Variants in SLC38A4 observed in about 807,000 individuals in gnomAD.
SLC38A4 encodes solute carrier family 38 member 4, also known as sodium-coupled neutral amino acid transporter 4.
Under a neutral mutation model 63.1 loss-of-function variants are expected in SLC38A4, and 20 were observed. The ratio of observed to expected loss-of-function variants is 0.32; its 90% CI spans 0.22 to 0.46. The LOEUF is 0.46. Among genes scored for constraint, SLC38A4 ranks in the 20% least tolerant of loss-of-function variants. The pLI, the probability that SLC38A4 is intolerant of heterozygous loss-of-function variation, is 1.00. For missense variants in SLC38A4, 526 were observed against 663.6 expected (o/e 0.79, Z 2.28); for synonymous variants, 230 against 225.5 (o/e 1.02, Z -0.18).
rs369456004 is a variant in SLC38A4 at position 46,793,242 on chromosome 12, T to C, written c.-112-59A>G. 1.8e-5 allele frequency: 8 copies of C among 444,480 alleles called. No individual in the cohort carries two copies. In the East Asian group the frequency reaches 2.6e-4, roughly 14 times the overall value. The allele number at this position is 444,480 out of a possible 1,614,324, so 27.5% of individuals were successfully genotyped here. A position where few individuals can be genotyped will look rare whatever the true frequency, so the allele number is the denominator to read the frequency against. ...TTTATTTAAATGAAATAAGTGAATATGAATCATCTACATTTTGTATGCTCT... is the reference window on the plus strand; with the variant it reads ...TTTATTTAAATGAAATAAGTGAATACGAATCATCTACATTTTGTATGCTCT... On this transcript the variant is annotated intron_variant, in intron 2 of 16. Coordinates refer to ENST00000266579, the MANE Select transcript of SLC38A4 (RefSeq NM_018018.5).
At chr12:46,825,064 A>G (rs553635294) in intron 1 of SLC38A4, among the ~76,000 whole-genome samples, 2 of 151,058 alleles carry the variant, frequency 1.3e-5, no homozygotes, top group African/African-American at 4.9e-5. Context: ...TCCTGGGTTT[A>G]ATATTGTACT....
chr12:46,809,271 C>T (rs1416894191), intron 1 of SLC38A4, among the ~76,000 whole-genome samples: 1 of 151,994 alleles, frequency 6.6e-6, no homozygotes. Context: ...TATGTTCAGG[C>T]TGGCCTTTTT....
intron 1 of SLC38A4, among the ~76,000 whole-genome samples, chr12:46,809,307 TAAG>T (rs1271737404): frequency 6.6e-6 from 1 of 152,046 alleles, no homozygotes; most frequent in Non-Finnish European, 1.5e-5. Flanking sequence ...ATGTTAGAAA[TAAG>T]AAATGCATGT....
At chr12:46,775,647 A>T (rs1938509320) in intron 13 of SLC38A4, among the ~76,000 whole-genome samples, 2 of 151,846 alleles carry the variant, frequency 1.3e-5, no homozygotes, top group African/African-American at 2.4e-5. Context: ...AACAACTATG[A>T]CTCCATCACC....
At chr12:46,815,213 C>A (rs1939413828) in intron 1 of SLC38A4, among the ~76,000 whole-genome samples, 1 of 139,726 alleles carries the variant, frequency 7.2e-6, no homozygotes, top group Admixed American at 7.5e-5. Flanking sequence ...GGCAAAATGA[C>A]TTTTCAAGGA....
At chr12:46,777,350 A>T (rs1938550247) in intron 12 of SLC38A4, among the ~76,000 whole-genome samples, 1 of 151,956 alleles carries the variant, frequency 6.6e-6, no homozygotes, top group African/African-American at 2.4e-5. Context: ...TAATGAGATG[A>T]CTTTAGATGA....
At chr12:46,820,848 T>C (rs1216631694) in intron 1 of SLC38A4, among the ~76,000 whole-genome samples, 3 of 152,122 alleles carry the variant, frequency 2.0e-5, no homozygotes, top group Non-Finnish European at 4.4e-5. Flanking sequence ...TGTTATCTTT[T>C]GTGTTTTTGA....
In SLC38A4 at chr12:46,779,681, A is replaced by T; in HGVS notation, c.659-12T>A. Reference sequence around the variant, plus strand: ...ATAGCCAAGATAACCTAGAAGTTAGAAGAAGCATTTTGGAAGGTGAATATG... The same window carrying T: ...ATAGCCAAGATAACCTAGAAGTTAGTAGAAGCATTTTGGAAGGTGAATATG... On this transcript the variant is annotated splice_polypyrimidine_tract_variant and intron_variant, in intron 9 of 16. Transcript: ENST00000266579. The T allele has an allele frequency of 6.2e-7, 1 of 1,602,348 alleles. No homozygotes were observed. The highest frequency in any genetic ancestry group is 8.5e-7 in the Non-Finnish European group (1 of 1,176,338).
upstream of SLC38A4, among the ~76,000 whole-genome samples, chr12:46,828,739 C>G (rs1159591732): frequency 6.6e-6 from 1 of 152,220 alleles, no homozygotes; most frequent in Non-Finnish European, 1.5e-5. Context: ...TTGCCCAGCA[C>G]TGTGCTAGGT....
intron 2 of SLC38A4, among the ~76,000 whole-genome samples, chr12:46,795,201 T>C (rs1938977948): frequency 6.6e-6 from 1 of 152,044 alleles, no homozygotes; most frequent in African/African-American, 2.4e-5. Flanking sequence ...ATAAGGACAT[T>C]AGCATACTTT....
At chr12:46,768,067 T>C (rs1477076139) in intron 16 of SLC38A4, among the ~76,000 whole-genome samples, 5 of 152,260 alleles carry the variant, frequency 3.3e-5, no homozygotes, top group African/African-American at 1.2e-4. Flanking sequence ...TATGTGTCTG[T>C]GGGAAAGGCT....
At chr12:46,823,698 C>T (rs928725956) in intron 1 of SLC38A4, among the ~76,000 whole-genome samples, 10 of 152,298 alleles carry the variant, frequency 6.6e-5, no homozygotes, top group East Asian at 5.8e-4. Context: ...GAAACCTCAA[C>T]GGGATATTTA....
intron 14 of SLC38A4, 127 bp downstream of exon 14, chr12:46,774,922 G>T (rs1938491759): frequency 9.0e-7 from 1 of 1,109,286 alleles, no homozygotes; most frequent in Non-Finnish European, 1.3e-6. Context: ...AAATGCTATA[G>T]GAAAATAATA....
At chr12:46,808,576 C>T (rs1207523826) in intron 1 of SLC38A4, among the ~76,000 whole-genome samples, 1 of 151,918 alleles carries the variant, frequency 6.6e-6, no homozygotes, top group East Asian at 1.9e-4. Flanking sequence ...TTTGCCTCTG[C>T]CTTTCACCTT....
At chr12:46,792,783 T>C (rs1938917794) in intron 3 of SLC38A4, among the ~76,000 whole-genome samples, 170 bp downstream of exon 3, 2 of 152,104 alleles carry the variant, frequency 1.3e-5, no homozygotes, top group South Asian at 4.1e-4. Flanking sequence ...ACAAAAGAGA[T>C]TGACATTATC....
chr12:46,793,985 A>G (rs956554458), intron 2 of SLC38A4, among the ~76,000 whole-genome samples: 1 of 152,158 alleles, frequency 6.6e-6, no homozygotes. Context: ...CCTTGAATCT[A>G]CTATATGTAG....
In SLC38A4 at chr12:46,785,738, CTTTTTTT is replaced by C. The variant is rs11335369; in HGVS notation, c.327-568_327-562del. ...AGCTAAGGATGGGGCACGAAAATTCCTTTTTTTTTTTTTTTTTTTTTTTTGCATTCAG... is the reference window on the plus strand; with the variant it reads ...AGCTAAGGATGGGGCACGAAAATTCCTTTTTTTTTTTTTTTTTGCATTCAG... On this transcript the variant is annotated intron_variant, in intron 5 of 16. Coordinates refer to ENST00000266579, the MANE Select transcript of SLC38A4 (RefSeq NM_018018.5). Among the ~76,000 whole-genome samples the C allele has an allele frequency of 3.5e-3, 234 of 66,944 alleles. 2 individuals carry two copies. Among genetic ancestry groups the C allele is most frequent in the East Asian group, 9.8e-3 (24 of 2,452 alleles). 43.9% of individuals were successfully genotyped at this position (66,944 alleles called of 152,430 possible).
chr12:46,811,284 C>T lies in SLC38A4; in HGVS notation c.-304-7490G>A, dbSNP rs139287112. 3.3e-5 allele frequency among the ~76,000 whole-genome samples: 5 copies of T among 152,018 alleles called. No homozygotes were observed. The East Asian group carries it at 7.8e-4, about 24-fold the overall frequency. On this transcript the variant is annotated intron_variant, in intron 1 of 16. Coordinates refer to ENST00000266579, the MANE Select transcript of SLC38A4 (RefSeq NM_018018.5). Reference sequence around the variant, plus strand: ...ATGATGTAACAGGATGCACAAAATGCCCATGACATCTGAGGGGCAGGAGAA... The same window carrying T: ...ATGATGTAACAGGATGCACAAAATGTCCATGACATCTGAGGGGCAGGAGAA...
intron 12 of SLC38A4, among the ~76,000 whole-genome samples, chr12:46,777,681 A>G (rs1938558232): frequency 6.6e-6 from 1 of 152,030 alleles, no homozygotes; most frequent in South Asian, 2.1e-4. Context: ...AAAGAGGAAA[A>G]CAGCTATAAT....
Sources: allele counts gnomAD v4.1 joint callset (sites outside exome capture counted in the v4.1 genomes callset), GRCh38; gene constraint gnomAD v4.1.1; transcripts MANE v1.5; gene names NCBI Gene and HGNC (gene_info 2026-07-23, HGNC 2026-07-21).